Variants in TP53BP1 observed in about 807,000 individuals in gnomAD.
TP53BP1 encodes the protein tumor protein p53 binding protein 1.
In TP53BP1, 61 loss-of-function variants were observed where a neutral mutation model predicts 200.8. The ratio of observed to expected loss-of-function variants is 0.30; its 90% confidence interval spans 0.25 to 0.38. The LOEUF is 0.38. TP53BP1 is among the 10% of genes least tolerant of loss of function. The probability of loss-of-function intolerance (pLI) is 1.00; values close to 1 mark genes in which losing one functional copy is unlikely to be tolerated. For missense variants in TP53BP1, 2,144 were observed against 2,371.9 expected, an observed-to-expected ratio of 0.90 and a Z score of 2.00; for synonymous variants, 822 against 844.3, an observed-to-expected ratio of 0.97 and a Z score of 0.46.
chr15:43,502,512 T>C (rs1323956779), intron 1 of TP53BP1, among the ~76,000 whole-genome samples: 4 of 151,948 alleles, frequency 2.6e-5, no homozygotes, highest in African/African-American at 9.7e-5. Flanking sequence ...TGGAGTGCAG[T>C]AGCGCGATCT....
chr15:43,455,885 C>T lies in TP53BP1; in HGVS notation c.2716+7G>A, dbSNP rs752164968. The T allele has an allele frequency of 2.5e-6, 4 of 1,612,570 alleles. No individual in the cohort carries two copies. Among genetic ancestry groups the T allele is most frequent in the Non-Finnish European group, 3.4e-6 (4 of 1,179,664 alleles). On this transcript the variant is annotated splice_region_variant and intron_variant, in intron 12 of 27. Coordinates refer to ENST00000382044, the MANE Select transcript of TP53BP1 (RefSeq NM_001141980.3). ...TGGAGACAAGAATAATCTACAATCA[C>T]ACTCACCACTAGAACTTTCACAGAA...
rs2143009931 is a variant in TP53BP1, at chr15:43,456,174, C to T, written c.2434G>A (p.Glu812Lys). The change falls in exon 12 of 28, where the codon GAA (glutamate) becomes AAA (lysine). Residue 812 changes from glutamate (E) to lysine (K), a missense_variant. Glu to Lys is a moderately conservative substitution (Grantham distance 56). Coordinates refer to ENST00000382044, the MANE Select transcript of TP53BP1 (RefSeq NM_001141980.3). ...CAENRLDTKE[E>K]KSVEYEGDLK... The stretch of plus-strand genomic sequence containing the variant: ...TCTCCTTCATATTCTACACTCTTTT[C>T]TTCCTTGGTGTCTAATCTATTCTCA... 1.2e-6 allele frequency: 2 copies of T among 1,614,196 alleles called. No homozygotes were observed. The highest frequency in any genetic ancestry group is 1.3e-5 in the African/African-American group (1 of 75,066).
rs539305844 is a variant in TP53BP1 at position 43,472,262 on chromosome 15, A to G, written c.1181-2196T>C. 3.9e-5 allele frequency among the ~76,000 whole-genome samples: 6 copies of G among 152,356 alleles called. No homozygotes were observed. The South Asian group carries it at 1.2e-3, about 32-fold the overall frequency. The stretch of plus-strand genomic sequence containing the variant: ...GATGTTTGTGAGGATTCAATGAGAA[A>G]AACCACAGAAATGCCCTTAGAACAA... On this transcript the variant is annotated intron_variant, in intron 10 of 27. Transcript: ENST00000382044.
intron 24 of TP53BP1, among the ~76,000 whole-genome samples, chr15:43,412,478 C>A (rs1180019984): frequency 6.6e-6 from 1 of 152,178 alleles, no homozygotes; most frequent in Non-Finnish European, 1.5e-5. Context: ...ACTCATTTTT[C>A]AGACCTCTAC....
intron 7 of TP53BP1, among the ~76,000 whole-genome samples, chr15:43,478,922 C>A (rs754307533): frequency 6.6e-6 from 1 of 152,170 alleles, no homozygotes; most frequent in Non-Finnish European, 1.5e-5. Context: ...CTTAAAACAT[C>A]ATTGCAGGCT....
chr15:43,462,920 G>A (rs1194640692), intron 11 of TP53BP1, among the ~76,000 whole-genome samples: 3 of 152,112 alleles, frequency 2.0e-5, no homozygotes, highest in African/African-American at 4.8e-5. Flanking sequence ...AGCTGGGCAT[G>A]GTGGTGTGCA....
intron 4 of TP53BP1, among the ~76,000 whole-genome samples, chr15:43,485,652 G>A (rs2079037567): frequency 6.7e-6 from 1 of 148,670 alleles, no homozygotes; most frequent in African/African-American, 2.5e-5. Flanking sequence ...AGACCAGCCT[G>A]GCCAACAAGG....
chr15:43,472,679 G>A (rs1566955617), intron 10 of TP53BP1, among the ~76,000 whole-genome samples: 1 of 152,212 alleles, frequency 6.6e-6, no homozygotes, highest in East Asian at 1.9e-4. Context: ...ATGTGTTCAC[G>A]TGTTGCTAGA....
intron 8 of TP53BP1, 82 bp downstream of exon 8, chr15:43,477,511 G>A: frequency 7.5e-7 from 1 of 1,341,524 alleles, no homozygotes; most frequent in Non-Finnish European, 9.9e-7. Flanking sequence ...AAAATGCTTT[G>A]TAACTTAACC....
chr15:43,436,434 A>G (rs542431072), intron 16 of TP53BP1, among the ~76,000 whole-genome samples: 24 of 152,262 alleles, frequency 1.6e-4, no homozygotes, highest in East Asian at 1.5e-3. Flanking sequence ...TACACTAAAT[A>G]TAAGTATCAT....
intron 4 of TP53BP1, among the ~76,000 whole-genome samples, chr15:43,485,286 A>G (rs376044467): frequency 1.8e-4 from 28 of 152,248 alleles, no homozygotes; most frequent in African/African-American, 6.7e-4. Flanking sequence ...TACTCAATAG[A>G]AGGTACTTTG....
At chr15:43,500,015 T>G (rs555369373) in intron 1 of TP53BP1, among the ~76,000 whole-genome samples, 10 of 152,222 alleles carry the variant, frequency 6.6e-5, no homozygotes, top group Non-Finnish European at 1.5e-4. Flanking sequence ...TTCTATTTAC[T>G]CTCACTCCTT....
At chr15:43,490,629 T>A (rs2079108626) in intron 4 of TP53BP1, among the ~76,000 whole-genome samples, 1 of 152,140 alleles carries the variant, frequency 6.6e-6, no homozygotes, top group South Asian at 2.1e-4. Flanking sequence ...CTCCTGAAGT[T>A]CTCTACATTC....
chr15:43,408,610 C>A, intron 26 of TP53BP1: 1 of 400,568 alleles, frequency 2.5e-6, no homozygotes. Flanking sequence ...AATCATGCTC[C>A]TGAGCCTATA....
intron 12 of TP53BP1, among the ~76,000 whole-genome samples, 184 bp downstream of exon 12, chr15:43,455,708 G>A (rs1005348210): frequency 3.3e-5 from 5 of 151,562 alleles, no homozygotes; most frequent in South Asian, 4.2e-4. Context: ...GCAACAGAGC[G>A]GGACTCTGTC....
At chr15:43,462,845 T>C (rs539366965) in intron 11 of TP53BP1, among the ~76,000 whole-genome samples, 2,283 of 152,162 alleles carry the variant, frequency 0.015, 34 homozygotes, top group Non-Finnish European at 0.02. Context: ...TCACTTAAGG[T>C]CAGAAGTTTG....
chr15:43,407,891 A>G, intron 27 of TP53BP1, 52 bp downstream of exon 27: 1 of 1,547,982 alleles, frequency 6.5e-7, no homozygotes, highest in South Asian at 1.2e-5. Flanking sequence ...TAACACCTAC[A>G]GGTCTAAGGA....
chr15:43,436,243 G>A (rs1023089084), intron 16 of TP53BP1, among the ~76,000 whole-genome samples: 2 of 151,886 alleles, frequency 1.3e-5, no homozygotes, highest in African/African-American at 4.8e-5. Flanking sequence ...CACCCACCTC[G>A]GTCTACCAAA....
At position 43,456,690 on chromosome 15, in the gene TP53BP1, A is replaced by G. The variant is rs751237300; in HGVS notation, c.1918T>C (p.Ser640Pro). 2 of 1,614,028 alleles carry G rather than the reference A, an allele frequency of 1.2e-6. No individual in the cohort carries two copies. Among genetic ancestry groups the G allele is most frequent in the African/African-American group, 2.7e-5 (2 of 74,928 alleles). Residue 640 changes from serine (S) to proline (P), a missense_variant, in exon 12 of 28, where the codon TCT becomes CCT. Physicochemically the swap from Ser to Pro is moderately conservative, Grantham distance 74. Around this residue, in one of 4 missense-constraint regions of TP53BP1, gnomAD observed 1,700 missense variants for 1,710.3 expected, o/e 0.99. Coordinates refer to ENST00000382044, the MANE Select transcript of TP53BP1 (RefSeq NM_001141980.3). ...SQAVPSPATR[S>P]EALSSVLDQE... ...TCTAACACACTAGAAAGTGCCTCAG[A>G]TCGAGTAGCTGGTGACGGAACTGCC...
Sources: allele counts gnomAD v4.1 joint callset (sites outside exome capture counted in the v4.1 genomes callset), GRCh38; gene constraint gnomAD v4.1.1; regional missense constraint gnomAD v4.1.1; transcripts MANE v1.5; gene names NCBI Gene and HGNC (gene_info 2026-07-23, HGNC 2026-07-21).